Variants in SYT2 observed in about 807,000 individuals in gnomAD.
SYT2 encodes synaptotagmin 2, also known as synaptotagmin-2.
In SYT2, 15 loss-of-function variants were observed where a neutral mutation model predicts 39.9. The observed-to-expected ratio is 0.38, with a 90% CI of 0.25 to 0.58. The LOEUF (loss-of-function observed/expected upper bound fraction) is 0.58, where lower values mean the gene tolerates loss of function less well. SYT2 is among the 20% of genes least tolerant of loss of function. The pLI is 0.70. For missense variants in SYT2, 389 were observed against 530.3 expected, an observed-to-expected ratio of 0.73 and a Z score of 2.62; for synonymous variants, 181 against 204.5, an observed-to-expected ratio of 0.89 and a Z score of 0.98.
At chr1:202,679,824 TC>T (rs2149112336) in intron 1 of SYT2, among the ~76,000 whole-genome samples, 1 of 152,208 alleles carries the variant, frequency 6.6e-6, no homozygotes, top group South Asian at 2.1e-4. Flanking sequence ...CTCCCTTCTT[TC>T]TAGCTTCAAC....
chr1:202,605,288 C>T (rs1440635372), intron 2 of SYT2: 1 of 227,490 alleles, frequency 4.4e-6, no homozygotes, highest in African/African-American at 2.2e-5. Context: ...TATTGGCAAA[C>T]TTGAATAGTG....
chr1:202,675,455 A>T (rs1476989786), intron 1 of SYT2, among the ~76,000 whole-genome samples: 7 of 151,824 alleles, frequency 4.6e-5, no homozygotes, highest in Non-Finnish European at 7.4e-5. Context: ...ACAGCCATGA[A>T]AGTATTTGAC....
chr1:202,671,063 C>T (rs1052570298), intron 1 of SYT2, among the ~76,000 whole-genome samples: 6 of 152,208 alleles, frequency 3.9e-5, no homozygotes, highest in African/African-American at 1.4e-4. Context: ...CTCCCATCGG[C>T]GATCAGCTAG....
intron 1 of SYT2, among the ~76,000 whole-genome samples, chr1:202,665,104 T>G (rs1436899215): frequency 6.6e-6 from 1 of 152,254 alleles, no homozygotes; most frequent in African/African-American, 2.4e-5. Context: ...TTATGTATAT[T>G]CTGCTCTTAC....
intron 4 of SYT2, 128 bp downstream of exon 4, chr1:202,602,871 A>T: frequency 8.2e-7 from 1 of 1,220,684 alleles, no homozygotes; most frequent in Non-Finnish European, 1.2e-6. Context: ...TGCAGTTTCC[A>T]GCCTGCCTCA....
chr1:202,604,314 G>C, intron 3 of SYT2, 141 bp downstream of exon 3: 1 of 790,890 alleles, frequency 1.3e-6, no homozygotes, highest in Non-Finnish European at 2.1e-6. Context: ...TGTTATACTA[G>C]AGATGTAACT....
chr1:202,641,225 A>T (rs1362656333), intron 1 of SYT2, among the ~76,000 whole-genome samples: 2 of 152,196 alleles, frequency 1.3e-5, no homozygotes, highest in Admixed American at 6.5e-5. Context: ...ATTCATATAC[A>T]GTATTTGTCT....
At chr1:202,671,060 CG>C (rs1378252949) in intron 1 of SYT2, among the ~76,000 whole-genome samples, 1 of 152,240 alleles carries the variant, frequency 6.6e-6, no homozygotes, top group East Asian at 1.9e-4. Flanking sequence ...CCACTCCCAT[CG>C]GCGATCAGCT....
intron 1 of SYT2, among the ~76,000 whole-genome samples, chr1:202,678,421 T>G (rs139981910): frequency 2.6e-5 from 4 of 152,270 alleles, no homozygotes; most frequent in African/African-American, 9.6e-5. Context: ...GCGTCTGTGA[T>G]TTGGAGACTG....
intron 1 of SYT2, among the ~76,000 whole-genome samples, chr1:202,645,032 G>A (rs1434010572): frequency 2.0e-5 from 3 of 152,190 alleles, no homozygotes; most frequent in Admixed American, 2.0e-4. Flanking sequence ...GTGTGCATCT[G>A]CATACCTGGG....
chr1:202,627,711 G>C lies in SYT2; in HGVS notation c.-17-21922C>G, dbSNP rs1333865922. On this transcript the variant is annotated intron_variant, in intron 1 of 8. Coordinates refer to ENST00000367268, the MANE Select transcript of SYT2 (RefSeq NM_177402.5). ...TACCCAAACTTGAAAATAACCCCTA[G>C]CATGTTTAATTGCTTAAAAATCCAC... The C allele has an allele frequency of 3.7e-6, 3 of 804,644 alleles. No homozygotes were observed. The African/African-American group carries it at 5.6e-5, about 15-fold the overall frequency. 49.8% of individuals were successfully genotyped at this position (804,644 alleles called of 1,614,324 possible).
rs1253064472 is a variant in SYT2 at position 202,623,348 on chromosome 1, C to T, written c.-17-17559G>A. 6.6e-6 allele frequency among the ~76,000 whole-genome samples: 1 copy of T among 152,046 alleles called. No individual in the cohort carries two copies. The highest frequency in any genetic ancestry group is 6.5e-5 in the Admixed American group (1 of 15,280). The stretch of plus-strand genomic sequence containing the variant: ...CCAGCCCTGAGCTGCCTGCTGGGGC[C>T]CCCAGCTGCTCCCAGCCCAGGGGGC... On this transcript the variant is annotated intron_variant, in intron 1 of 8. Coordinates refer to ENST00000367268, the MANE Select transcript of SYT2 (RefSeq NM_177402.5). The surrounding 1 kb of genome is among the most constrained non-coding windows in gnomAD (Gnocchi z 4.2).
chr1:202,678,261 G>A lies in SYT2; in HGVS notation c.-18+31997C>T, dbSNP rs540446299. Among the ~76,000 whole-genome samples the A allele has an allele frequency of 3.6e-3, 405 of 112,362 alleles. 3 individuals carry two copies. Among genetic ancestry groups the A allele is most frequent in the African/African-American group, 0.012 (340 of 28,568 alleles). The allele number at this position is 112,362 out of a possible 152,430, so 73.7% of individuals were successfully genotyped here. The stretch of plus-strand genomic sequence containing the variant: ...TGCACTCCAGCCTGAGTGACAGAGC[G>A]AGACTCTGTCTCAAAAAAAAAAAAA... On this transcript the variant is annotated intron_variant, in intron 1 of 8. Transcript: ENST00000367268.
At chr1:202,645,288 G>A (rs896165333) in intron 1 of SYT2, among the ~76,000 whole-genome samples, 24 of 152,210 alleles carry the variant, frequency 1.6e-4, no homozygotes, top group African/African-American at 5.6e-4. Context: ...CACCTGAGAT[G>A]GGTGTGCGGG....
intron 1 of SYT2, among the ~76,000 whole-genome samples, chr1:202,611,047 T>C (rs1690871899): frequency 5.3e-5 from 8 of 152,202 alleles, no homozygotes; most frequent in Admixed American, 5.2e-4. Context: ...CAACACTTGT[T>C]ATTATGTCTT....
At chr1:202,691,418 TAGG>T (rs1279927859) in intron 1 of SYT2, among the ~76,000 whole-genome samples, 3 of 151,646 alleles carry the variant, frequency 2.0e-5, no homozygotes, top group Non-Finnish European at 2.9e-5. Flanking sequence ...GATGCCAAAG[TAGG>T]AGGATTGCTT....
intron 1 of SYT2, among the ~76,000 whole-genome samples, chr1:202,691,719 GAGGGAGAGGGGGGGA>G (rs1558463320): frequency 0.029 from 1,271 of 43,226 alleles, 146 homozygotes; most frequent in East Asian, 0.076. Context: ...GGGAGAGGGA[GAGGGAGAGGGGGGGA>G]GAGAGAGAGA....
At chr1:202,639,987 T>A in intron 1 of SYT2, 1 of 278,836 alleles carries the variant, frequency 3.6e-6, no homozygotes, top group Non-Finnish European at 5.4e-6. Flanking sequence ...CTATTCCAGG[T>A]TGGTAATATT....
At chr1:202,669,693 C>T (rs1407702322) in intron 1 of SYT2, among the ~76,000 whole-genome samples, 6 of 150,518 alleles carry the variant, frequency 4.0e-5, no homozygotes, top group Admixed American at 6.6e-5. Context: ...AGGAGGTCAA[C>T]GCTGCAGTGA....
Sources: allele counts gnomAD v4.1 joint callset (sites outside exome capture counted in the v4.1 genomes callset), GRCh38; gene constraint gnomAD v4.1.1; non-coding constraint Gnocchi (gnomAD v3.1); transcripts MANE v1.5; gene names NCBI Gene and HGNC (gene_info 2026-07-23, HGNC 2026-07-21).